The following TCF12 variants were observed in gnomAD, a reference collection of about 807,000 sequenced individuals.
The protein encoded by TCF12 is transcription factor 12.
TCF12 carries 45 observed loss-of-function variants against 86.0 expected under a neutral mutation model. The ratio of observed to expected loss-of-function variants is 0.52; its 90% CI spans 0.41 to 0.67. The LOEUF (loss-of-function observed/expected upper bound fraction) is 0.67, where lower values mean the gene tolerates loss of function less well. Ranked by LOEUF, TCF12 falls within the 30% of genes least tolerant of loss-of-function variation. The pLI is 0.00. For synonymous variants in TCF12, 330 were observed against 299.6 expected, an observed-to-expected ratio of 1.10 and a Z score of -1.05; for missense variants, 881 against 859.9, an observed-to-expected ratio of 1.02 and a Z score of -0.31.
chr15:56,991,778 C>T (rs1455479047), intron 3 of TCF12, among the ~76,000 whole-genome samples: 7 of 150,040 alleles, frequency 4.7e-5, no homozygotes, highest in Non-Finnish European at 8.9e-5. Context: ...AAAGTTAAAT[C>T]TCAATTATAG....
chr15:57,282,255 A>T (rs754993673), intron 19 of TCF12, 190 bp from the exon 20 acceptor site: 26 of 640,592 alleles, frequency 4.1e-5, no homozygotes, highest in Non-Finnish European at 6.3e-5. Flanking sequence ...AAAACACAAG[A>T]TGGTCACTTA....
At chr15:57,178,309 A>T (rs2056100002) in intron 6 of TCF12, among the ~76,000 whole-genome samples, 1 of 152,224 alleles carries the variant, frequency 6.6e-6, no homozygotes, top group Non-Finnish European at 1.5e-5. Flanking sequence ...TAAACTAAGA[A>T]GTTTAATGTT....
At chr15:57,198,998 C>T (rs2057404736) in intron 8 of TCF12, among the ~76,000 whole-genome samples, 1 of 152,154 alleles carries the variant, frequency 6.6e-6, no homozygotes, top group Admixed American at 6.5e-5. Context: ...TTGAAATCCT[C>T]TCTGTAACTC....
chr15:57,183,910 G>A (rs528799181), intron 6 of TCF12, among the ~76,000 whole-genome samples: 112 of 152,220 alleles, frequency 7.4e-4, no homozygotes, highest in African/African-American at 2.5e-3. Context: ...TATTTGTGTA[G>A]ATTTTCAGTG....
intron 3 of TCF12, among the ~76,000 whole-genome samples, chr15:57,040,198 G>A: frequency 6.6e-6 from 1 of 152,066 alleles, no homozygotes; most frequent in East Asian, 1.9e-4. Flanking sequence ...CCATTGTAGA[G>A]TACATTCTTA....
chr15:56,962,305 T>C (rs570139197), intron 3 of TCF12, among the ~76,000 whole-genome samples: 2 of 152,342 alleles, frequency 1.3e-5, no homozygotes, highest in African/African-American at 4.8e-5. Context: ...ATGGGTTTAA[T>C]TGTTGTCAGT....
intron 16 of TCF12, among the ~76,000 whole-genome samples, chr15:57,259,992 T>C: frequency 6.6e-6 from 1 of 152,224 alleles, no homozygotes; most frequent in East Asian, 1.9e-4. Flanking sequence ...AAGTTCCTGC[T>C]AACTTCATTG....
At chr15:57,066,376 G>T (rs1262566382) in intron 4 of TCF12, among the ~76,000 whole-genome samples, 1 of 152,116 alleles carries the variant, frequency 6.6e-6, no homozygotes, top group African/African-American at 2.4e-5. Flanking sequence ...AAATATTAAT[G>T]TTGGCTAAAG....
At chr15:56,964,952 G>A (rs1273060601) in intron 3 of TCF12, among the ~76,000 whole-genome samples, 1 of 152,136 alleles carries the variant, frequency 6.6e-6, no homozygotes, top group Non-Finnish European at 1.5e-5. Flanking sequence ...TGGTCCCAGA[G>A]CCAGTGATAA....
chr15:57,062,012 A>C (rs1244730765), intron 3 of TCF12, among the ~76,000 whole-genome samples: 2 of 151,896 alleles, frequency 1.3e-5, no homozygotes, highest in Non-Finnish European at 2.9e-5. Context: ...GCTGGAGTGC[A>C]GTGGCACAAT....
intron 3 of TCF12, among the ~76,000 whole-genome samples, chr15:57,043,141 T>C (rs1045109727): frequency 6.6e-6 from 1 of 152,190 alleles, no homozygotes; most frequent in Non-Finnish European, 1.5e-5. Flanking sequence ...TTTCTTTATT[T>C]TTTTCATCTA....
At position 56,989,275 on chromosome 15, in the gene TCF12, C is replaced by T. The variant is rs548224892; in HGVS notation, c.148+68177C>T. ...GGTTATAGTTTAAATGGTTATGAGACCCTACATTATATCCTCATTTTTCCT... is the reference window on the plus strand; with the variant it reads ...GGTTATAGTTTAAATGGTTATGAGATCCTACATTATATCCTCATTTTTCCT... On this transcript the variant is annotated intron_variant, in intron 3 of 20. Transcript: ENST00000333725. Among the ~76,000 whole-genome samples the T allele has an allele frequency of 4.6e-5, 7 of 152,230 alleles. No individual in the cohort carries two copies. In the East Asian group the frequency reaches 1.4e-3, roughly 29 times the overall value.
chr15:57,092,539 A>G (rs192063466), intron 5 of TCF12, among the ~76,000 whole-genome samples: 290 of 152,208 alleles, frequency 1.9e-3, no homozygotes, highest in African/African-American at 6.8e-3. Flanking sequence ...TCTGTCTCAA[A>G]TGAAAGTTTA....
rs779840307 is a variant in TCF12 at position 57,243,494 on chromosome 15, G to A, written c.1058G>A (p.Ser353Asn). 1 of 1,613,866 alleles carries A rather than the reference G, an allele frequency of 6.2e-7. No homozygotes were observed. The highest frequency in any genetic ancestry group is 8.5e-7 in the Non-Finnish European group (1 of 1,179,874). The part of the protein sequence containing the change: ...LASIYSPDHT[S>N]SSFPSNPSTP... Reference sequence around the variant, plus strand: ...TAGATTTATTCTCCTGACCATACCAGCAGTAGTTTTCCGTCAAATCCATCA... The same window carrying A: ...TAGATTTATTCTCCTGACCATACCAACAGTAGTTTTCCGTCAAATCCATCA... The change falls in exon 13 of 21, where the codon AGC (serine) becomes AAC (asparagine). Residue 353 changes from serine to asparagine, a missense_variant. Ser to Asn is a conservative substitution (Grantham distance 46). Around this residue, in one of 3 missense-constraint regions of TCF12, gnomAD observed 766 missense variants for 718.9 expected, o/e 1.07. Coordinates refer to ENST00000333725, the MANE Select transcript of TCF12 (RefSeq NM_207037.2).
chr15:56,991,250 A>G (rs1272078919), intron 3 of TCF12, among the ~76,000 whole-genome samples: 5 of 152,166 alleles, frequency 3.3e-5, no homozygotes, highest in African/African-American at 1.2e-4. Context: ...GCACTGATTT[A>G]TGCATCCAAT....
At chr15:57,191,766 C>T (rs917653824) in intron 6 of TCF12, among the ~76,000 whole-genome samples, 4 of 151,900 alleles carry the variant, frequency 2.6e-5, no homozygotes, top group African/African-American at 4.8e-5. Context: ...GGTGAAACCC[C>T]GTCTCTACTA....
intron 5 of TCF12, among the ~76,000 whole-genome samples, chr15:57,160,881 G>C (rs556466912): frequency 6.6e-6 from 1 of 151,648 alleles, no homozygotes; most frequent in African/African-American, 2.4e-5. Context: ...ATAAAGGTCA[G>C]TTCTCACTAT....
At chr15:57,079,662 C>T (rs2070455356) in intron 4 of TCF12, among the ~76,000 whole-genome samples, 1 of 152,112 alleles carries the variant, frequency 6.6e-6, no homozygotes, top group African/African-American at 2.4e-5. Context: ...TAGCCCCTGG[C>T]GGTTGTTCCT....
intron 8 of TCF12, among the ~76,000 whole-genome samples, chr15:57,213,297 G>T (rs2058192493): frequency 6.6e-6 from 1 of 152,148 alleles, no homozygotes; most frequent in African/African-American, 2.4e-5. Flanking sequence ...TAAAAGATAC[G>T]TCTTTTCATA....
Sources: allele counts gnomAD v4.1 joint callset (sites outside exome capture counted in the v4.1 genomes callset), GRCh38; gene constraint gnomAD v4.1.1; regional missense constraint gnomAD v4.1.1; transcripts MANE v1.5; gene names NCBI Gene and HGNC (gene_info 2026-07-23, HGNC 2026-07-21).